The following PELI2 variants were observed in gnomAD, a reference collection of about 807,000 sequenced individuals.
PELI2 encodes E3 ubiquitin-protein ligase pellino homolog 2.
In PELI2, 23 loss-of-function variants were observed where a neutral mutation model predicts 42.3. The ratio of observed to expected loss-of-function variants is 0.54; its 90% CI spans 0.39 to 0.77. PELI2 has a LOEUF of 0.77. PELI2 is among the 30% of genes least tolerant of loss of function. The probability of loss-of-function intolerance (pLI) is 0.00; values close to 1 mark genes in which losing one functional copy is unlikely to be tolerated. For missense variants in PELI2, 463 were observed against 553.2 expected (o/e 0.84, Z 1.64); for synonymous variants, 245 against 212.2 (o/e 1.15, Z -1.34).
rs1473582214 is a variant in PELI2 at position 56,296,705 on chromosome 14, A to C, written c.802A>C (p.Lys268Gln). The C allele has an allele frequency of 1.9e-6, 3 of 1,614,178 alleles. No homozygotes were observed. In the South Asian group the frequency reaches 3.3e-5, roughly 18 times the overall value. Residue 268 changes from lysine (K) to glutamine (Q), a missense_variant, in exon 6 of 6, where the codon AAG (lysine) becomes CAG (glutamine). Coordinates refer to ENST00000267460, the MANE Select transcript of PELI2 (RefSeq NM_021255.3). ...ADGLFHTPTQ[K>Q]HIEALRQEIN... is the part of the protein sequence containing the mutation. ...TGGGCTTTTTCATACTCCAACTCAG[A>C]AGCACATAGAAGCCCTCCGGCAGGA...
intron 2 of PELI2, among the ~76,000 whole-genome samples, chr14:56,223,896 A>G (rs984048052): frequency 1.3e-5 from 2 of 152,202 alleles, no homozygotes; most frequent in Non-Finnish European, 2.9e-5. Context: ...GTCATATAAT[A>G]CTTGTTTTCC....
intron 5 of PELI2, among the ~76,000 whole-genome samples, chr14:56,292,057 G>C (rs1042513564): frequency 1.1e-4 from 17 of 152,172 alleles, no homozygotes; most frequent in African/African-American, 4.1e-4. Context: ...TGAGTTTCTC[G>C]TCCACTCTGG....
intron 2 of PELI2, among the ~76,000 whole-genome samples, chr14:56,224,353 G>C (rs971022993): frequency 6.6e-6 from 1 of 152,170 alleles, no homozygotes; most frequent in Non-Finnish European, 1.5e-5. Flanking sequence ...ATCCCACCTG[G>C]TGGTGACTAT....
At chr14:56,263,080 C>T (rs1888772839) in intron 2 of PELI2, among the ~76,000 whole-genome samples, 1 of 152,112 alleles carries the variant, frequency 6.6e-6, no homozygotes, top group African/African-American at 2.4e-5. Context: ...CCTCAGCCTC[C>T]CAAGTAGCTG....
At chr14:56,283,711 G>A (rs1049667616) in intron 3 of PELI2, among the ~76,000 whole-genome samples, 25 of 152,290 alleles carry the variant, frequency 1.6e-4, no homozygotes, top group Admixed American at 2.6e-4. Flanking sequence ...AGGTCACTGA[G>A]CTCTTCATTC....
intron 2 of PELI2, among the ~76,000 whole-genome samples, chr14:56,243,197 A>G (rs2343603): frequency 0.4 from 61,327 of 152,058 alleles, 13,087 homozygotes; most frequent in South Asian, 0.53. Context: ...GTCATGTAAC[A>G]CAGAACCAAC....
intron 2 of PELI2, among the ~76,000 whole-genome samples, chr14:56,196,512 T>G (rs1399712431): frequency 2.0e-5 from 3 of 152,222 alleles, no homozygotes; most frequent in Non-Finnish European, 4.4e-5. Context: ...CAGATGTGGC[T>G]GAAAGAAAAA....
At chr14:56,226,456 C>A (rs764197893) in intron 2 of PELI2, among the ~76,000 whole-genome samples, 14 of 152,206 alleles carry the variant, frequency 9.2e-5, no homozygotes, top group Non-Finnish European at 2.1e-4. Context: ...CAATTAATGA[C>A]ACAAAGGCAA....
intron 2 of PELI2, among the ~76,000 whole-genome samples, chr14:56,238,760 GGT>G (rs1887880471): frequency 6.6e-6 from 1 of 152,188 alleles, no homozygotes; most frequent in Non-Finnish European, 1.5e-5. Context: ...CTAAAAGCCA[GGT>G]GAGTGGCAGA....
rs934940199 is a variant in PELI2 at position 56,301,282 on chromosome 14, T to G, written c.*4116T>G. ...TTTACAGGAAAAAATCTTCAAAAAC[T>G]ATTAAATGGATATCAGCCTGTTTGT... On this transcript the variant is annotated 3_prime_UTR_variant, in exon 6 of 6. Transcript: ENST00000267460. 10 of 152,662 alleles carry G rather than the reference T, an allele frequency of 6.6e-5. No individual in the cohort carries two copies. Among genetic ancestry groups the G allele is most frequent in the Non-Finnish European group, 1.2e-4 (8 of 68,046 alleles). 9.5% of individuals were successfully genotyped at this position (152,662 alleles called of 1,614,324 possible).
chr14:56,269,167 G>A (rs1381492747), intron 2 of PELI2, among the ~76,000 whole-genome samples: 8 of 152,166 alleles, frequency 5.3e-5, no homozygotes, highest in Non-Finnish European at 1.2e-4. Context: ...TGGGTTAGGT[G>A]CAATGGCTCA....
At chr14:56,202,713 C>T (rs546038301) in intron 2 of PELI2, among the ~76,000 whole-genome samples, 4 of 152,132 alleles carry the variant, frequency 2.6e-5, no homozygotes, top group Admixed American at 6.5e-5. Context: ...TCTGGGGATG[C>T]GTCTCCTGAT....
intron 2 of PELI2, among the ~76,000 whole-genome samples, chr14:56,201,313 C>A (rs1337371629): frequency 1.3e-5 from 2 of 152,188 alleles, no homozygotes; most frequent in Non-Finnish European, 2.9e-5. Context: ...TAAGCTAGAA[C>A]CAGTGACAGA....
chr14:56,179,528 A>G (rs575298536), intron 2 of PELI2, among the ~76,000 whole-genome samples: 27 of 152,240 alleles, frequency 1.8e-4, no homozygotes, highest in Non-Finnish European at 3.5e-4. Flanking sequence ...AGATAAGAAA[A>G]TATCAAACAC....
At chr14:56,271,769 G>A (rs1889112133) in intron 2 of PELI2, among the ~76,000 whole-genome samples, 2 of 152,146 alleles carry the variant, frequency 1.3e-5, no homozygotes, top group Admixed American at 6.5e-5. Context: ...CGTTCAGGAC[G>A]TTTCCTAGCC....
Position 56,248,120 on chromosome 14 carries a change from T to C in PELI2, c.208-31556T>C, listed in dbSNP as rs142827052. Among the ~76,000 whole-genome samples, 68 of 152,342 alleles carry C rather than the reference T, an allele frequency of 4.5e-4. No homozygotes were observed. In the East Asian group the frequency reaches 0.012, roughly 26 times the overall value. ...AGATTGAATATAATCAGTTAAACTA[T>C]ATTTTCAGAATATTTGGGTTGATTT... On this transcript the variant is annotated intron_variant, in intron 2 of 5. Coordinates refer to ENST00000267460, the MANE Select transcript of PELI2 (RefSeq NM_021255.3).
Position 56,273,426 on chromosome 14 carries a change from T to C in PELI2, c.208-6250T>C, listed in dbSNP as rs115593898. Among the ~76,000 whole-genome samples, 1,423 of 152,322 alleles carry C rather than the reference T, an allele frequency of 9.3e-3. 27 individuals carry two copies. Among genetic ancestry groups the C allele is most frequent in the African/African-American group, 0.032 (1,344 of 41,564 alleles). ...TACTGAAGCCAGCCCAGATGCCAGA[T>C]GATACATGATGATTGCACAAAAGCA... On this transcript the variant is annotated intron_variant, in intron 2 of 5. Coordinates refer to ENST00000267460, the MANE Select transcript of PELI2 (RefSeq NM_021255.3). This position sits in a 1 kb window ranked among gnomAD's most constrained non-coding sequence, Gnocchi z 4.3.
intron 3 of PELI2, among the ~76,000 whole-genome samples, chr14:56,287,262 T>A (rs531246751): frequency 2.7e-4 from 41 of 152,384 alleles, no homozygotes; most frequent in African/African-American, 9.9e-4. Flanking sequence ...AGGACAGGTT[T>A]ACGCCTAAGT....
intron 2 of PELI2, among the ~76,000 whole-genome samples, chr14:56,216,820 T>C (rs1431854184): frequency 1.3e-5 from 2 of 152,328 alleles, no homozygotes; most frequent in East Asian, 1.9e-4. Flanking sequence ...CCGCAGACAG[T>C]TGGCTGTGTG....
Sources: gnomAD v4.1 joint callset for allele counts (sites outside exome capture counted in the v4.1 genomes callset) on GRCh38, gnomAD v4.1.1 for gene constraint, Gnocchi (gnomAD v3.1) non-coding constraint, MANE v1.5 for transcripts, NCBI Gene and HGNC (gene_info 2026-07-23, HGNC 2026-07-21) for gene names.